Variants in M1AP observed in about 807,000 individuals in gnomAD.
M1AP encodes meiosis 1 associated protein.
A neutral mutation model predicts 51.2 loss-of-function variants in M1AP; 39 were observed. The ratio of observed to expected loss-of-function variants is 0.76; its 90% CI spans 0.59 to 1.00. M1AP has a LOEUF of 1.00. M1AP is among the 50% of genes least tolerant of loss of function. M1AP has a pLI of 0.00. For synonymous variants in M1AP, 251 were observed against 249.2 expected, an observed-to-expected ratio of 1.01 and a Z score of -0.07; for missense variants, 545 against 641.2, an observed-to-expected ratio of 0.85 and a Z score of 1.62.
rs76586849 is a variant in M1AP, at chr2:74,575,401, C to T, written c.1074+37G>A. 1.8e-3 allele frequency: 2,973 copies of T among 1,612,210 alleles called. 51 individuals are homozygous for T. The African/African-American group carries it at 0.034, about 19-fold the overall frequency. ...TTTTCTGTGGTTGGTACTTTAAAAA[C>T]GATTCTTCTTTTTCACCTGGGGACA... On this transcript the variant is annotated intron_variant, in intron 7 of 10. Transcript: ENST00000421985.
chr2:74,587,652 C>T (rs549705765), intron 4 of M1AP, among the ~76,000 whole-genome samples: 16 of 152,284 alleles, frequency 1.1e-4, no homozygotes, highest in South Asian at 6.2e-4. Flanking sequence ...ACTTCTCAGA[C>T]GTTGAAAAAC....
intron 7 of M1AP, among the ~76,000 whole-genome samples, chr2:74,574,363 C>T (rs945246127): frequency 6.6e-6 from 1 of 152,204 alleles, no homozygotes; most frequent in African/African-American, 2.4e-5. Context: ...TATCCAATCT[C>T]TCAACCAAGT....
chr2:74,633,250 T>C (rs1440989824), intron 2 of M1AP, among the ~76,000 whole-genome samples: 6 of 152,196 alleles, frequency 3.9e-5, no homozygotes, highest in Admixed American at 3.9e-4. Flanking sequence ...GATTCTTTGC[T>C]TGATCAAATT....
chr2:74,596,317 T>C (rs985082524), intron 4 of M1AP, among the ~76,000 whole-genome samples: 5 of 152,196 alleles, frequency 3.3e-5, no homozygotes, highest in African/African-American at 1.2e-4. Flanking sequence ...GCGCGGTGGC[T>C]CACGCCTGTT....
intron 1 of M1AP, chr2:74,647,411 C>T (rs758055946): frequency 2.0e-6 from 2 of 985,372 alleles, no homozygotes; most frequent in Non-Finnish European, 2.4e-6. Context: ...CTCCCTCTGG[C>T]AGGGCCCTAT....
chr2:74,619,666 G>C (rs1018590437), intron 2 of M1AP, among the ~76,000 whole-genome samples: 1 of 152,150 alleles, frequency 6.6e-6, no homozygotes, highest in Non-Finnish European at 1.5e-5. Flanking sequence ...AGGTATAAGA[G>C]ACACAAGATA....
intron 4 of M1AP, among the ~76,000 whole-genome samples, chr2:74,598,565 CA>C (rs964322851): frequency 2.0e-5 from 3 of 147,812 alleles, no homozygotes; most frequent in African/African-American, 7.4e-5. Flanking sequence ...CATTCATTTT[CA>C]AAAATGTATG....
At chr2:74,559,397 C>T (rs1677753725) in intron 10 of M1AP, among the ~76,000 whole-genome samples, 2 of 152,266 alleles carry the variant, frequency 1.3e-5, no homozygotes, top group East Asian at 1.9e-4. Context: ...TGAGCTCAAG[C>T]GATCCACCTG....
chr2:74,637,702 T>C (rs776463785), intron 2 of M1AP, among the ~76,000 whole-genome samples: 2 of 152,198 alleles, frequency 1.3e-5, no homozygotes, highest in African/African-American at 2.4e-5. Flanking sequence ...CTCTATCCAA[T>C]GTATCATGAA....
intron 4 of M1AP, among the ~76,000 whole-genome samples, chr2:74,582,560 CAT>C (rs932623940): frequency 6.6e-5 from 10 of 152,200 alleles, no homozygotes; most frequent in Non-Finnish European, 1.2e-4. Context: ...AAACTATCTA[CAT>C]ATATATATGT....
chr2:74,623,891 C>T (rs1266394252), intron 2 of M1AP, among the ~76,000 whole-genome samples: 6 of 152,046 alleles, frequency 3.9e-5, no homozygotes, highest in African/African-American at 7.2e-5. Flanking sequence ...AGGCTGGTCT[C>T]GAACTCATGC....
At chr2:74,637,377 A>G (rs1483066800) in intron 2 of M1AP, among the ~76,000 whole-genome samples, 1 of 152,220 alleles carries the variant, frequency 6.6e-6, no homozygotes, top group Non-Finnish European at 1.5e-5. Context: ...TAATGTCCTC[A>G]TCTGCTAATT....
rs118069456 is a variant in M1AP at position 74,633,277 on chromosome 2, A to T, written c.240+6759T>A. Among the ~76,000 whole-genome samples the T allele has an allele frequency of 1.5e-3, 226 of 152,232 alleles. 7 individuals carry two copies. The East Asian group carries it at 0.04, about 27-fold the overall frequency. ...GATCAAATTTTAGTCAGGCTTCTAA[A>T]CCTTTTCTTAGGCCCATCTGTGCAC... On this transcript the variant is annotated intron_variant, in intron 2 of 10. Transcript: ENST00000421985.
chr2:74,614,910 A>G, intron 3 of M1AP, 54 bp downstream of exon 3: 1 of 1,464,750 alleles, frequency 6.8e-7, no homozygotes, highest in Non-Finnish European at 9.6e-7. Context: ...ACAATGACCT[A>G]TATGGACTGA....
chr2:74,617,522 T>C (rs1271051558), intron 2 of M1AP, among the ~76,000 whole-genome samples: 2 of 152,170 alleles, frequency 1.3e-5, no homozygotes, highest in African/African-American at 4.8e-5. Context: ...CTGGGGCCTG[T>C]CAGAGGGTGG....
intron 2 of M1AP, among the ~76,000 whole-genome samples, chr2:74,616,361 A>C (rs933298876): frequency 3.9e-5 from 6 of 152,372 alleles, no homozygotes; most frequent in African/African-American, 1.4e-4. Flanking sequence ...AACATTTAAA[A>C]ATAAAACTAT....
At chr2:74,563,470 A>C (rs1023495083) in intron 7 of M1AP, among the ~76,000 whole-genome samples, 1 of 152,082 alleles carries the variant, frequency 6.6e-6, no homozygotes, top group African/African-American at 2.4e-5. Flanking sequence ...GTGGTGGCGC[A>C]TGCCTGTAAT....
At chr2:74,634,561 T>C (rs1682872581) in intron 2 of M1AP, among the ~76,000 whole-genome samples, 3 of 152,212 alleles carry the variant, frequency 2.0e-5, no homozygotes, top group South Asian at 4.1e-4. Context: ...TTCCTTTTCT[T>C]ACCTTATTGT....
chr2:74,583,556 G>A (rs1679537781), intron 4 of M1AP, among the ~76,000 whole-genome samples: 1 of 152,148 alleles, frequency 6.6e-6, no homozygotes, highest in African/African-American at 2.4e-5. Context: ...AGCAAATAAG[G>A]GAAGAACTAG....
Sources: allele counts gnomAD v4.1 joint callset (sites outside exome capture counted in the v4.1 genomes callset), GRCh38; gene constraint gnomAD v4.1.1; transcripts MANE v1.5; gene names NCBI Gene and HGNC (gene_info 2026-07-23, HGNC 2026-07-21).